Variants in BFAR observed in about 807,000 individuals in gnomAD.
BFAR encodes the protein bifunctional apoptosis regulator.
Under a neutral mutation model 54.4 loss-of-function variants are expected in BFAR, and 52 were observed. That is an observed-to-expected ratio of 0.96 (90% CI 0.77 to 1.21). The LOEUF is 1.21. BFAR is among the 50% of genes most tolerant of loss of function. BFAR has a pLI of 0.00. For synonymous variants in BFAR, 215 were observed against 204.3 expected (o/e 1.05, Z -0.45); for missense variants, 571 against 534.0 (o/e 1.07, Z -0.68).
At chr16:14,658,024 T>A (rs1161907967) in intron 5 of BFAR, among the ~76,000 whole-genome samples, 2 of 152,176 alleles carry the variant, frequency 1.3e-5, no homozygotes, top group Non-Finnish European at 2.9e-5. Context: ...GCAGCTACAT[T>A]GCCTGGGGAA....
Position 14,661,999 on chromosome 16 carries a change from T to C in BFAR, c.891T>C (p.Pro297=), listed in dbSNP as rs1960303550. The change falls in exon 6 of 8, where the codon CCT becomes CCC. Residue 297 remains proline, a synonymous_variant. Coordinates refer to ENST00000261658, the MANE Select transcript of BFAR (RefSeq NM_016561.3). Reference sequence around the variant, plus strand: ...TTGACTACACCGACACCTTCCTACCTTTCATCCACACCATCTGCCCTCTGC... The same window carrying C: ...TTGACTACACCGACACCTTCCTACCCTTCATCCACACCATCTGCCCTCTGC... ...YLFDYTDTFL[P]FIHTICPLQE... is the part of the protein sequence containing the mutation. 4 of 1,614,142 alleles carry C rather than the reference T, an allele frequency of 2.5e-6. No homozygotes were observed. The South Asian group carries it at 3.3e-5, about 13-fold the overall frequency.
intron 5 of BFAR, among the ~76,000 whole-genome samples, chr16:14,658,710 G>C (rs1252748338): frequency 6.6e-6 from 1 of 151,200 alleles, no homozygotes; most frequent in African/African-American, 2.4e-5. Context: ...TCCAGCCTGG[G>C]TGGCAGACCG....
At chr16:14,655,628 C>T (rs954152413) in intron 5 of BFAR, among the ~76,000 whole-genome samples, 5 of 151,934 alleles carry the variant, frequency 3.3e-5, no homozygotes, top group African/African-American at 1.2e-4. Flanking sequence ...GAGATGGTTT[C>T]AGGATGTTGG....
chr16:14,666,452 T>G (rs2151845977), intron 7 of BFAR, among the ~76,000 whole-genome samples: 1 of 152,178 alleles, frequency 6.6e-6, no homozygotes, highest in East Asian at 1.9e-4. Context: ...GTGCCTGTAA[T>G]CCCAGCTACT....
In BFAR at chr16:14,653,616, C is replaced by T. The variant is rs552878150; in HGVS notation, c.639-1450C>T. ...GTGCTGGATTACAGGCATGAGCCAC[C>T]GCCCCCAGCCAGAATTTGTGTTTTC... On this transcript the variant is annotated intron_variant, in intron 4 of 7. Coordinates refer to ENST00000261658, the MANE Select transcript of BFAR (RefSeq NM_016561.3). Among the ~76,000 whole-genome samples the T allele has an allele frequency of 4.6e-5, 7 of 152,108 alleles. No homozygotes were observed. In the East Asian group the frequency reaches 1.2e-3, roughly 25 times the overall value.
At chr16:14,663,063 A>G (rs1207833871) in intron 6 of BFAR, among the ~76,000 whole-genome samples, 1 of 152,202 alleles carries the variant, frequency 6.6e-6, no homozygotes, top group Non-Finnish European at 1.5e-5. Context: ...TCTATAGATA[A>G]CATAACTGGT....
rs761771984 is a variant in BFAR at position 14,649,947 on chromosome 16, GT to G, written c.617del (p.Leu206TyrfsTer5). The part of the protein sequence containing the change: ...GPWASLYRER[F>X]LSERVNGRLL... Reference sequence around the variant, plus strand: ...CTTGGGCATCTCTTTACAGGGAAAGGTTTTTATCTGAACGAGTAAATGGAAG... The same window carrying G: ...CTTGGGCATCTCTTTACAGGGAAAGGTTTTATCTGAACGAGTAAATGGAAG... On this transcript the variant is annotated frameshift_variant, in exon 4 of 8. Coordinates refer to ENST00000261658, the MANE Select transcript of BFAR (RefSeq NM_016561.3). LOFTEE classifies it high-confidence loss of function. The G allele has an allele frequency of 1.2e-6, 2 of 1,611,634 alleles. No individual in the cohort carries two copies. The highest frequency in any genetic ancestry group is 3.4e-5 in the Admixed American group (2 of 59,548).
chr16:14,648,665 G>A (rs1959876762), intron 3 of BFAR, 73 bp downstream of exon 3: 2 of 1,134,586 alleles, frequency 1.8e-6, no homozygotes, highest in South Asian at 1.4e-5. Context: ...ACTGAAGTCA[G>A]TTCTGTTGAA....
intron 2 of BFAR, among the ~76,000 whole-genome samples, chr16:14,647,971 G>A (rs933794188): frequency 9.9e-5 from 15 of 152,128 alleles, no homozygotes; most frequent in African/African-American, 3.6e-4. Flanking sequence ...TGGGTGCAGT[G>A]GCTCATGCCT....
intron 4 of BFAR, 65 bp downstream of exon 4, chr16:14,650,038 C>G (rs2151839473): frequency 6.7e-6 from 10 of 1,500,016 alleles, no homozygotes; most frequent in Middle Eastern, 1.8e-4. Flanking sequence ...GAGATATAAT[C>G]CAGGCCAGGC....
rs1209629559 is a variant in BFAR at position 14,648,437 on chromosome 16, G to C, written c.313G>C (p.Asp105His). ...FPDAIRLRFE[D>H]IQQNNDIVQS... Reference sequence around the variant, plus strand: ...TGATGCCATTAGACTGAGATTTGAAGACATTCAGCAGAATAATGACATAGT... The same window carrying C: ...TGATGCCATTAGACTGAGATTTGAACACATTCAGCAGAATAATGACATAGT... Residue 105 changes from aspartate (D) to histidine (H), a missense_variant, in exon 3 of 8, where the codon GAC (aspartate) becomes CAC (histidine). Physicochemically the swap from Asp to His is moderately conservative, Grantham distance 81. Transcript: ENST00000261658. 1.2e-6 allele frequency: 2 copies of C among 1,613,746 alleles called. No individual in the cohort carries two copies. The highest frequency in any genetic ancestry group is 2.2e-5 in the East Asian group (1 of 44,874).
chr16:14,641,867 A>C (rs1236615320), intron 1 of BFAR, among the ~76,000 whole-genome samples: 1 of 152,234 alleles, frequency 6.6e-6, no homozygotes, highest in Non-Finnish European at 1.5e-5. Context: ...TATCACTAAA[A>C]TAAAATAAAA....
chr16:14,662,086 G>T (rs1194664300), intron 6 of BFAR, 21 bp downstream of exon 6: 3 of 1,612,960 alleles, frequency 1.9e-6, no homozygotes, highest in Middle Eastern at 1.7e-4. Context: ...ACAGTGCCTG[G>T]AATAAAGTTA....
chr16:14,664,527 T>C (rs917956177), intron 6 of BFAR, among the ~76,000 whole-genome samples: 1 of 152,038 alleles, frequency 6.6e-6, no homozygotes, highest in Non-Finnish European at 1.5e-5. Flanking sequence ...TGAGACACAG[T>C]CTCCCTCTAT....
intron 1 of BFAR, among the ~76,000 whole-genome samples, chr16:14,640,696 G>C (rs1374529072): frequency 6.6e-6 from 1 of 152,166 alleles, no homozygotes; most frequent in African/African-American, 2.4e-5. Flanking sequence ...CCGTGGTGAG[G>C]CTCACCTGCT....
At chr16:14,651,342 C>G (rs1003614591) in intron 4 of BFAR, among the ~76,000 whole-genome samples, 4 of 152,148 alleles carry the variant, frequency 2.6e-5, no homozygotes, top group African/African-American at 9.7e-5. Flanking sequence ...GCAAAAGATA[C>G]AGATAAAGAG....
intron 1 of BFAR, among the ~76,000 whole-genome samples, chr16:14,642,814 A>G (rs1363988328): frequency 6.6e-6 from 1 of 152,242 alleles, no homozygotes; most frequent in African/African-American, 2.4e-5. Context: ...TGTTGTTACC[A>G]ACCCCAGACA....
intron 1 of BFAR, among the ~76,000 whole-genome samples, chr16:14,642,337 C>T (rs1375554249): frequency 6.6e-6 from 1 of 152,186 alleles, no homozygotes; most frequent in Non-Finnish European, 1.5e-5. Context: ...ACCACCATTT[C>T]ACAGTTGAGG....
At chr16:14,653,058 A>G (rs1269483026) in intron 4 of BFAR, among the ~76,000 whole-genome samples, 1 of 152,220 alleles carries the variant, frequency 6.6e-6, no homozygotes, top group African/African-American at 2.4e-5. Flanking sequence ...ATTATGGTAT[A>G]AAAATTTCTC....
Sources: allele counts gnomAD v4.1 joint callset (sites outside exome capture counted in the v4.1 genomes callset), GRCh38; gene constraint gnomAD v4.1.1; transcripts MANE v1.5; gene names NCBI Gene and HGNC (gene_info 2026-07-23, HGNC 2026-07-21).